The following BCKDHB variants were observed in gnomAD, a reference collection of about 807,000 sequenced individuals.
BCKDHB encodes branched chain keto acid dehydrogenase E1 subunit beta, also known as 2-oxoisovalerate dehydrogenase subunit beta, mitochondrial.
A neutral mutation model predicts 48.5 loss-of-function variants in BCKDHB; 41 were observed. That is an observed-to-expected ratio of 0.85 (90% CI 0.66 to 1.10). The LOEUF (loss-of-function observed/expected upper bound fraction) is 1.10. Among genes scored for constraint, BCKDHB ranks in the 50% least tolerant of loss-of-function variants. The pLI, the probability that BCKDHB is intolerant of heterozygous loss-of-function variation, is 0.00. For missense variants in BCKDHB, 496 were observed against 494.2 expected (o/e 1.00, Z -0.03); for synonymous variants, 201 against 174.8 (o/e 1.15, Z -1.18).
the BCKDHB span, among the ~76,000 whole-genome samples, chr6:80,393,403 C>G: frequency 2.6e-5 from 4 of 152,026 alleles, no homozygotes; most frequent in African/African-American, 9.7e-5. Flanking sequence ...GGGTAGAGGC[C>G]TGGGAATGAT....
chr6:80,343,629 A>T, intron 9 of BCKDHB, 35 bp from the exon 10 acceptor site: 1 of 1,613,012 alleles, frequency 6.2e-7, no homozygotes, highest in Non-Finnish European at 8.5e-7. Flanking sequence ...AGTAAAAAAA[A>T]TTCTTGAAGT....
chr6:80,380,221 A>C, the BCKDHB span, among the ~76,000 whole-genome samples: 1 of 152,200 alleles, frequency 6.6e-6, no homozygotes, highest in East Asian at 1.9e-4. Flanking sequence ...ACTGCGTGGT[A>C]CTGGCACAAA....
At chr6:80,379,932 T>C in the BCKDHB span, among the ~76,000 whole-genome samples, 15 of 151,998 alleles carry the variant, frequency 9.9e-5, no homozygotes, top group African/African-American at 3.4e-4. Context: ...AAATAAATTG[T>C]AGCTGGCCCA....
intron 9 of BCKDHB, among the ~76,000 whole-genome samples, chr6:80,305,498 G>T (rs566213647): frequency 6.6e-6 from 1 of 152,044 alleles, no homozygotes; most frequent in South Asian, 2.1e-4. Flanking sequence ...TGCAATTTAA[G>T]TTGTTATTTA....
At chr6:80,242,244 T>G (rs1776419919) in intron 8 of BCKDHB, among the ~76,000 whole-genome samples, 1 of 152,114 alleles carries the variant, frequency 6.6e-6, no homozygotes, top group Non-Finnish European at 1.5e-5. Flanking sequence ...TGATTTAAGG[T>G]AAGAGCTCTG....
chr6:80,144,310 G>T (rs56108475), intron 3 of BCKDHB, among the ~76,000 whole-genome samples: 2 of 152,116 alleles, frequency 1.3e-5, no homozygotes, highest in African/African-American at 2.4e-5. Flanking sequence ...CATGAAGAAG[G>T]CACTTTTTCT....
At chr6:80,261,065 T>G (rs1014141753) in intron 8 of BCKDHB, among the ~76,000 whole-genome samples, 9 of 152,170 alleles carry the variant, frequency 5.9e-5, no homozygotes, top group African/African-American at 2.4e-5. Flanking sequence ...CCACTGCTTA[T>G]TACCTTAGTT....
chr6:80,150,047 GT>G (rs1327449201), intron 3 of BCKDHB, among the ~76,000 whole-genome samples: 6 of 151,886 alleles, frequency 4.0e-5, no homozygotes, highest in Admixed American at 3.3e-4. Context: ...CTAGCTTCAA[GT>G]TTTTTCCCCC....
At chr6:80,157,809 T>G (rs370713714) in intron 3 of BCKDHB, among the ~76,000 whole-genome samples, 1 of 152,176 alleles carries the variant, frequency 6.6e-6, no homozygotes, top group East Asian at 1.9e-4. Flanking sequence ...GGGCCTATAG[T>G]CTCTCTTCAC....
At chr6:80,432,255 G>C in the BCKDHB span, among the ~76,000 whole-genome samples, 3 of 152,084 alleles carry the variant, frequency 2.0e-5, no homozygotes, top group Non-Finnish European at 4.4e-5. Flanking sequence ...AGTTCTCCTG[G>C]ATAATATCCT....
chr6:80,332,222 C>T (rs1163549651), intron 9 of BCKDHB, among the ~76,000 whole-genome samples: 4 of 152,054 alleles, frequency 2.6e-5, no homozygotes, highest in Non-Finnish European at 4.4e-5. Flanking sequence ...CAGTGCCAGC[C>T]GTGAGGGCTG....
rs1012338477 is a variant in BCKDHB at position 80,154,549 on chromosome 6, G to A, written c.344-13129G>A. On this transcript the variant is annotated intron_variant, in intron 3 of 9. Transcript: ENST00000320393. ...CATCTTAAGATAATTTCATTCCAAT[G>A]TTCCATATTTTTAGTAGTCTCTAAT... Among the ~76,000 whole-genome samples, 6 of 151,952 alleles carry A rather than the reference G, an allele frequency of 3.9e-5. No homozygotes were observed. The South Asian group carries it at 6.2e-4, about 16-fold the overall frequency.
the BCKDHB span, among the ~76,000 whole-genome samples, chr6:80,428,646 T>G: frequency 6.6e-6 from 1 of 152,116 alleles, no homozygotes; most frequent in Non-Finnish European, 1.5e-5. Flanking sequence ...TTTTTCATGT[T>G]TGTTGGCTGC....
chr6:80,282,340 C>T (rs979941278), intron 9 of BCKDHB, among the ~76,000 whole-genome samples: 1 of 152,084 alleles, frequency 6.6e-6, no homozygotes, highest in Non-Finnish European at 1.5e-5. Context: ...AATTGATTCA[C>T]GTTTCCAGGA....
At chr6:80,166,372 C>G (rs1772567478) in intron 3 of BCKDHB, among the ~76,000 whole-genome samples, 1 of 152,086 alleles carries the variant, frequency 6.6e-6, no homozygotes, top group Non-Finnish European at 1.5e-5. Context: ...AAAAAAATTT[C>G]TAGCCAGGCC....
At chr6:80,202,165 TTCC>T (rs1245616099) in intron 7 of BCKDHB, among the ~76,000 whole-genome samples, 1 of 152,164 alleles carries the variant, frequency 6.6e-6, no homozygotes, top group Non-Finnish European at 1.5e-5. Context: ...TAACTTGCTC[TTCC>T]TCTTGCTTCT....
intron 8 of BCKDHB, among the ~76,000 whole-genome samples, chr6:80,219,728 CTTGTG>C (rs1408631739): frequency 6.6e-6 from 1 of 152,154 alleles, no homozygotes; most frequent in Non-Finnish European, 1.5e-5. Context: ...TTTTCTGACA[CTTGTG>C]TTAGGTAAAA....
At position 80,163,488 on chromosome 6, in the gene BCKDHB, C is replaced by CA. The variant is rs375152792; in HGVS notation, c.344-4187dup. Among the ~76,000 whole-genome samples, 242 of 152,204 alleles carry CA rather than the reference C, an allele frequency of 1.6e-3. 1 individual carries two copies. Among genetic ancestry groups the CA allele is most frequent in the African/African-American group, 5.6e-3 (233 of 41,518 alleles). On this transcript the variant is annotated intron_variant, in intron 3 of 9. Coordinates refer to ENST00000320393, the MANE Select transcript of BCKDHB (RefSeq NM_183050.4). The stretch of plus-strand genomic sequence containing the variant: ...ACACATTCTCCTCCTGGTTTTCCTC[C>CA]AAACTCTGGCTTGTTTTCCTTCTCA...
chr6:80,414,802 G>T, the BCKDHB span, among the ~76,000 whole-genome samples: 1 of 152,252 alleles, frequency 6.6e-6, no homozygotes, highest in African/African-American at 2.4e-5. Context: ...AATGCCAATT[G>T]TAGTTTAATA....
Sources: allele counts gnomAD v4.1 joint callset (sites outside exome capture counted in the v4.1 genomes callset), GRCh38; gene constraint gnomAD v4.1.1; transcripts MANE v1.5; gene names NCBI Gene and HGNC (gene_info 2026-07-23, HGNC 2026-07-21).